Variants in RANBP1 observed in about 807,000 individuals in gnomAD.
The protein encoded by RANBP1 is RAN binding protein 1.
RANBP1 carries 16 observed loss-of-function variants against 31.4 expected under a neutral mutation model. The ratio of observed to expected loss-of-function variants is 0.51; its 90% confidence interval spans 0.34 to 0.77. The LOEUF (loss-of-function observed/expected upper bound fraction) is 0.77, where lower values mean the gene tolerates loss of function less well. Ranked by LOEUF, RANBP1 falls within the 30% of genes least tolerant of loss-of-function variation. The pLI is 0.01. For synonymous variants in RANBP1, 129 were observed against 140.5 expected, an observed-to-expected ratio of 0.92 and a Z score of 0.58; for missense variants, 265 against 362.0, an observed-to-expected ratio of 0.73 and a Z score of 2.17.
rs999516250 is a variant in RANBP1 at position 20,122,135 on chromosome 22, C to T, written c.384-129C>T. On this transcript the variant is annotated intron_variant, in intron 2 of 5. Coordinates refer to ENST00000430524, the MANE Select transcript of RANBP1 (RefSeq NM_001278639.2). ...GTGTTGTGACGGGCAGTTCTTGGAGCCTGAAGAAGGGCTGGGGCGTTCGTG... is the reference window on the plus strand; with the variant it reads ...GTGTTGTGACGGGCAGTTCTTGGAGTCTGAAGAAGGGCTGGGGCGTTCGTG... 5.1e-5 allele frequency: 50 copies of T among 989,416 alleles called. 1 individual carries two copies. The Middle Eastern group carries it at 1.6e-3, about 32-fold the overall frequency. 61.3% of individuals were successfully genotyped at this position (989,416 alleles called of 1,614,324 possible).
intron 2 of RANBP1, among the ~76,000 whole-genome samples, chr22:20,120,082 C>G (rs1015598805): frequency 6.6e-6 from 1 of 152,272 alleles, no homozygotes; most frequent in South Asian, 2.1e-4. Context: ...TTTCCCTGTT[C>G]AAGTTCATGG....
Position 20,126,381 on chromosome 22 carries a change from C to T in RANBP1, c.736+13C>T, listed in dbSNP as rs772521091. On this transcript the variant is annotated intron_variant, in intron 5 of 5. Coordinates refer to ENST00000430524, the MANE Select transcript of RANBP1 (RefSeq NM_001278639.2). ...AGAGAAAAGAAAGGTGACGTGGTGC[C>T]ATGGGTTGGGGGGCTTCTTTGCAGA... 1 of 1,613,934 alleles carries T rather than the reference C, an allele frequency of 6.2e-7. No individual in the cohort carries two copies. The highest frequency in any genetic ancestry group is 1.7e-5 in the Admixed American group (1 of 60,016).
At chr22:20,117,989 G>T in intron 1 of RANBP1, 5 of 999,098 alleles carry the variant, frequency 5.0e-6, no homozygotes, top group Non-Finnish European at 6.0e-6. Context: ...GGTTTCCTCC[G>T]GCTCGGCCCA....
intron 3 of RANBP1, 116 bp downstream of exon 3, chr22:20,122,537 G>C (rs1343995267): frequency 1.3e-6 from 2 of 1,577,594 alleles, no homozygotes; most frequent in African/African-American, 2.7e-5. Context: ...GTGCAAGTTT[G>C]TGGTGTGTTT....
At chr22:20,123,402 T>G (rs402350) in intron 3 of RANBP1, among the ~76,000 whole-genome samples, 58 of 30,940 alleles carry the variant, frequency 1.9e-3, no homozygotes, top group East Asian at 4.0e-3. Context: ...GGGGTGTGTG[T>G]TGTCTGGGGG....
chr22:20,123,138 G>A lies in RANBP1; in HGVS notation c.541+717G>A, dbSNP rs117243758. 4.4e-3 allele frequency among the ~76,000 whole-genome samples: 607 copies of A among 137,676 alleles called. 8 individuals carry two copies. Among genetic ancestry groups the A allele is most frequent in the South Asian group, 0.044 (175 of 3,976 alleles). 90.3% of individuals were successfully genotyped at this position (137,676 alleles called of 152,430 possible). ...GTAGTGTCTGAAGGTGTGTGGTCTG[G>A]GGGGCTGTGTGGTGTCTGAAGGTGT... On this transcript the variant is annotated intron_variant, in intron 3 of 5. Transcript: ENST00000430524.
chr22:20,122,642 AGCCAGACGG>A, intron 3 of RANBP1: 1 of 1,500,574 alleles, frequency 6.7e-7, no homozygotes, highest in African/African-American at 1.4e-5. Context: ...GTGTGGAGTC[AGCCAGACGG>A]GCCCTGATGG....
chr22:20,120,611 C>T (rs2050151547), intron 2 of RANBP1, among the ~76,000 whole-genome samples: 1 of 152,166 alleles, frequency 6.6e-6, no homozygotes, highest in Non-Finnish European at 1.5e-5. Flanking sequence ...CAGCCTGAGC[C>T]CTGAGTGCAC....
rs1285782775 is a variant in RANBP1, at chr22:20,116,710, C to G, written c.246+280C>G. On this transcript the variant is annotated intron_variant, in intron 1 of 5. Coordinates refer to ENST00000430524, the MANE Select transcript of RANBP1 (RefSeq NM_001278639.2). ...GGACACCCAGACCTCCGTCGGTGCA[C>G]TCTGCACTCAGCCCTGCCCCTCCCC... 4 of 1,464,116 alleles carry G rather than the reference C, an allele frequency of 2.7e-6. No individual in the cohort carries two copies. In the East Asian group the frequency reaches 7.4e-5, roughly 27 times the overall value. 90.7% of individuals were successfully genotyped at this position (1,464,116 alleles called of 1,614,324 possible).
chr22:20,117,584 G>A lies in RANBP1; in HGVS notation c.246+1154G>A, dbSNP rs970244757. On this transcript the variant is annotated intron_variant, in intron 1 of 5. Coordinates refer to ENST00000430524, the MANE Select transcript of RANBP1 (RefSeq NM_001278639.2). ...ACGCGGAGGGAAGGAGCTACGAGTAGCCGCCGAGAGGCCGCGGAGCCAGCG... is the reference window on the plus strand; with the variant it reads ...ACGCGGAGGGAAGGAGCTACGAGTAACCGCCGAGAGGCCGCGGAGCCAGCG... 131 of 1,394,022 alleles carry A rather than the reference G, an allele frequency of 9.4e-5. 1 individual carries two copies. The African/African-American group carries it at 1.8e-3, about 19-fold the overall frequency. The allele number at this position is 1,394,022 out of a possible 1,614,324, so 86.4% of individuals were successfully genotyped here. A position where few individuals can be genotyped will look rare whatever the true frequency, so the allele number is the denominator to read the frequency against.
chr22:20,126,013 G>T (rs1455624788), intron 4 of RANBP1, among the ~76,000 whole-genome samples: 1 of 152,244 alleles, frequency 6.6e-6, no homozygotes, highest in African/African-American at 2.4e-5. Flanking sequence ...CCTTGCTGTG[G>T]GCGTGGCTGC....
intron 1 of RANBP1, chr22:20,117,895 C>G: frequency 2.9e-6 from 3 of 1,018,518 alleles, no homozygotes; most frequent in African/African-American, 3.4e-5. Flanking sequence ...GGCTGCAGGG[C>G]CCCCGCGTGA....
At chr22:20,126,764 C>A in intron 5 of RANBP1, 188 bp from the exon 6 acceptor site, 1 of 1,351,424 alleles carries the variant, frequency 7.4e-7, no homozygotes, top group South Asian at 1.4e-5. Flanking sequence ...GTGCATCCAC[C>A]TGGCTTCCTT....
chr22:20,126,410 A>T, intron 5 of RANBP1, 42 bp downstream of exon 5: 3 of 1,613,538 alleles, frequency 1.9e-6, no homozygotes, highest in South Asian at 2.2e-5. Flanking sequence ...TTGCAGACTC[A>T]CTCTGCATCT....
chr22:20,117,683 G>C (rs1360254153), intron 1 of RANBP1: 3 of 1,172,866 alleles, frequency 2.6e-6, no homozygotes, highest in Non-Finnish European at 3.2e-6. Flanking sequence ...GGGCCCAAGC[G>C]GGGACAGGGT....
At chr22:20,126,401 T>A in intron 5 of RANBP1, 33 bp downstream of exon 5, 1 of 1,613,828 alleles carries the variant, frequency 6.2e-7, no homozygotes, top group Non-Finnish European at 8.5e-7. Flanking sequence ...GGGGCTTCTT[T>A]GCAGACTCAC....
At chr22:20,122,487 C>T (rs1014411608) in intron 3 of RANBP1, 66 bp downstream of exon 3, 9 of 1,608,950 alleles carry the variant, frequency 5.6e-6, no homozygotes, top group African/African-American at 2.7e-5. Flanking sequence ...TGGGAAGATT[C>T]AGGGCTGATT....
chr22:20,118,172 C>T (rs570471918), intron 1 of RANBP1: 9 of 1,001,702 alleles, frequency 9.0e-6, no homozygotes, highest in African/African-American at 1.7e-5. Context: ...TTGTTGGCTG[C>T]GGTGTCTGGT....
chr22:20,125,923 G>A (rs1436307661), intron 4 of RANBP1, among the ~76,000 whole-genome samples: 2 of 152,264 alleles, frequency 1.3e-5, no homozygotes, highest in Admixed American at 6.5e-5. Context: ...TCCAAGCTGC[G>A]TCCAGTGGCT....
Sources: gnomAD v4.1 joint callset for allele counts (sites outside exome capture counted in the v4.1 genomes callset) on GRCh38, gnomAD v4.1.1 for gene constraint, MANE v1.5 for transcripts, NCBI Gene and HGNC (gene_info 2026-07-23, HGNC 2026-07-21) for gene names.